The following SCN2B variants were observed in gnomAD, a reference collection of about 807,000 sequenced individuals.
The protein encoded by SCN2B is sodium channel regulatory subunit beta-2.
In SCN2B, 14 loss-of-function variants were observed where a neutral mutation model predicts 18.2. That is an observed-to-expected ratio of 0.77 (90% CI 0.51 to 1.21). The LOEUF (loss-of-function observed/expected upper bound fraction) is 1.21. Among genes scored for constraint, SCN2B ranks in the 50% most tolerant of loss-of-function variants. The pLI is 0.00. For missense variants in SCN2B, 262 were observed against 286.9 expected (o/e 0.91, Z 0.63); for synonymous variants, 115 against 115.3 (o/e 1.00, Z 0.02).
chr11:118,171,951 T>C (rs1022488428), intron 1 of SCN2B, among the ~76,000 whole-genome samples: 1 of 152,154 alleles, frequency 6.6e-6, no homozygotes, highest in Admixed American at 6.5e-5. Flanking sequence ...ACACAGAGAA[T>C]AGGGACAAGC....
chr11:118,176,330 C>T lies in SCN2B; in HGVS notation c.70+32G>A, dbSNP rs200138080. On this transcript the variant is annotated intron_variant, in intron 1 of 3. Transcript: ENST00000278947. Reference sequence around the variant, plus strand: ...TTCACATTGCGGCTACACTTCTGAACCCTCGGGAGCATGCAGATGTGTCTA... The same window carrying T: ...TTCACATTGCGGCTACACTTCTGAATCCTCGGGAGCATGCAGATGTGTCTA... The T allele has an allele frequency of 2.4e-3, 3,859 of 1,593,476 alleles. 19 individuals carry two copies. The highest frequency in any genetic ancestry group is 7.6e-3 in the South Asian group (693 of 90,682).
At chr11:118,169,987 G>A (rs562585687) in intron 1 of SCN2B, among the ~76,000 whole-genome samples, 28 of 152,344 alleles carry the variant, frequency 1.8e-4, no homozygotes, top group African/African-American at 6.3e-4. Context: ...TGCTCTGCCC[G>A]TATCCTCAAG....
chr11:118,167,148 A>G (rs1380780578), intron 3 of SCN2B, 62 bp from the exon 4 acceptor site: 18 of 1,539,350 alleles, frequency 1.2e-5, no homozygotes, highest in Non-Finnish European at 8.9e-6. Flanking sequence ...CCATCACCCC[A>G]CTACCCGTGG....
At chr11:118,172,127 C>G (rs1948435281) in intron 1 of SCN2B, among the ~76,000 whole-genome samples, 1 of 152,202 alleles carries the variant, frequency 6.6e-6, no homozygotes, top group South Asian at 2.1e-4. Flanking sequence ...GAGCTGTGAG[C>G]AAAACTCTGG....
At position 118,176,464 on chromosome 11, in the gene SCN2B, A is replaced by C; in HGVS notation, c.-33T>G. 6.3e-7 allele frequency: 1 copy of C among 1,577,530 alleles called. No individual in the cohort carries two copies. On this transcript the variant is annotated 5_prime_UTR_variant, in exon 1 of 4. Coordinates refer to ENST00000278947, the MANE Select transcript of SCN2B (RefSeq NM_004588.5). ...GACTGAGATGTTAGTCGGGTGGGCT[A>C]CGGGAGAGGGTGATTTGAGGGGGCG...
At position 118,168,688 on chromosome 11, in the gene SCN2B, T is replaced by C; in HGVS notation, c.134A>G (p.Asp45Gly). The C allele has an allele frequency of 6.2e-7, 1 of 1,614,192 alleles. No homozygotes were observed. The highest frequency in any genetic ancestry group is 8.5e-7 in the Non-Finnish European group (1 of 1,180,036). The change falls in exon 2 of 4, where the codon GAC becomes GGC. Residue 45 changes from aspartate (D) to glycine (G), a missense_variant. By Grantham distance (94) the Asp-to-Gly change is moderately conservative (BLOSUM62 -1). Coordinates refer to ENST00000278947, the MANE Select transcript of SCN2B (RefSeq NM_004588.5). This position sits in a 1 kb window ranked among gnomAD's most constrained non-coding sequence, Gnocchi z 4.7. ...PATLNVLNGS[D>G]ARLPCTFNSC... ...GTTGAAGGTGCAGGGCAGGCGGGCG[T>C]CAGAGCCATTGAGGACGTTGAGGGT... is the stretch of plus-strand genomic sequence containing the variant.
chr11:118,172,890 TG>T (rs1187056098), intron 1 of SCN2B, among the ~76,000 whole-genome samples: 8 of 92,586 alleles, frequency 8.6e-5, no homozygotes, highest in African/African-American at 5.4e-4. Flanking sequence ...ATTTTCTTCT[TG>T]GTTTTTTTTT....
At position 118,168,674 on chromosome 11, in the gene SCN2B, A is replaced by C. The variant is rs1948406025; in HGVS notation, c.148T>G (p.Cys50Gly). Residue 50 changes from cysteine to glycine, a missense_variant, in exon 2 of 4, where the codon TGC (cysteine) becomes GGC (glycine). By Grantham distance (159) the Cys-to-Gly change is radical. Transcript: ENST00000278947. This position sits in a 1 kb window ranked among gnomAD's most constrained non-coding sequence, Gnocchi z 4.7. ...VLNGSDARLPCTFNSCYTVNH... is the reference protein window; with the variant it reads ...VLNGSDARLPGTFNSCYTVNH... Reference sequence around the variant, plus strand: ...ACTGTGTAGCAGGAGTTGAAGGTGCAGGGCAGGCGGGCGTCAGAGCCATTG... The same window carrying C: ...ACTGTGTAGCAGGAGTTGAAGGTGCCGGGCAGGCGGGCGTCAGAGCCATTG... The C allele has an allele frequency of 6.2e-7, 1 of 1,614,118 alleles. No individual in the cohort carries two copies. Among genetic ancestry groups the C allele is most frequent in the Admixed American group, 1.7e-5 (1 of 60,012 alleles).
chr11:118,173,967 C>T (rs559845948), intron 1 of SCN2B, among the ~76,000 whole-genome samples: 7 of 152,062 alleles, frequency 4.6e-5, no homozygotes, highest in South Asian at 2.1e-4. Context: ...CTGCTGCCCA[C>T]GCTGGAGTGC....
intron 3 of SCN2B, 140 bp from the exon 4 acceptor site, chr11:118,167,226 C>A (rs1487959414): frequency 1.7e-5 from 15 of 875,150 alleles, no homozygotes; most frequent in Non-Finnish European, 2.2e-5. Context: ...GAAAAGCAAT[C>A]CAGTGACTGA....
At chr11:118,171,363 AAGG>A (rs1948430054) in intron 1 of SCN2B, among the ~76,000 whole-genome samples, 2 of 152,206 alleles carry the variant, frequency 1.3e-5, no homozygotes, top group South Asian at 4.1e-4. Flanking sequence ...CGCACCAGCC[AAGG>A]AGGAGGTGTG....
At chr11:118,167,365 T>TA (rs1361073543) in intron 3 of SCN2B, among the ~76,000 whole-genome samples, 3 of 152,188 alleles carry the variant, frequency 2.0e-5, no homozygotes, top group African/African-American at 7.2e-5. Context: ...TTGTACAACT[T>TA]ACGAATTGCG....
At chr11:118,170,409 G>T (rs1031815615) in intron 1 of SCN2B, among the ~76,000 whole-genome samples, 1 of 152,212 alleles carries the variant, frequency 6.6e-6, no homozygotes, top group Non-Finnish European at 1.5e-5. Context: ...GTGGCTGGAA[G>T]GAGTTTCGTG....
Position 118,168,783 on chromosome 11 carries a change from C to G in SCN2B, c.71-32G>C. 6.2e-7 allele frequency: 1 copy of G among 1,613,650 alleles called. No homozygotes were observed. Among genetic ancestry groups the G allele is most frequent in the Non-Finnish European group, 8.5e-7 (1 of 1,179,932 alleles). ...ATGAAGCCACAAGCTGGTGAGGAGTCTGGCTGAAAGGGCTGGGGAGGGGCA... is the reference window on the plus strand; with the variant it reads ...ATGAAGCCACAAGCTGGTGAGGAGTGTGGCTGAAAGGGCTGGGGAGGGGCA... On this transcript the variant is annotated intron_variant, in intron 1 of 3. Coordinates refer to ENST00000278947, the MANE Select transcript of SCN2B (RefSeq NM_004588.5). This position sits in a 1 kb window ranked among gnomAD's most constrained non-coding sequence, Gnocchi z 4.7.
chr11:118,163,613 G>C lies in SCN2B; in HGVS notation c.*3274C>G, dbSNP rs557424609. ...CTAAATCCCATGGGTTAGCCAGCCC[G>C]TCTCTCTTTGCAGTGGCCCTTAATT... On this transcript the variant is annotated 3_prime_UTR_variant, in exon 4 of 4. Coordinates refer to ENST00000278947, the MANE Select transcript of SCN2B (RefSeq NM_004588.5). 1.3e-5 allele frequency: 2 copies of C among 152,712 alleles called. No homozygotes were observed. Among genetic ancestry groups the C allele is most frequent in the South Asian group, 4.1e-4 (2 of 4,826 alleles). The allele number at this position is 152,712 out of a possible 1,614,324, so 9.5% of individuals were successfully genotyped here. A position where few individuals can be genotyped will look rare whatever the true frequency, so the allele number is the denominator to read the frequency against.
At position 118,166,819 on chromosome 11, in the gene SCN2B, G is replaced by T; in HGVS notation, c.*68C>A. On this transcript the variant is annotated 3_prime_UTR_variant, in exon 4 of 4. Transcript: ENST00000278947. ...CGGGAAGCACACCAAGAGCGAGCAG[G>T]CAGGGTCACTGTACAGGGCGGAGAG... 5.0e-6 allele frequency: 8 copies of T among 1,590,570 alleles called. No individual in the cohort carries two copies. The highest frequency in any genetic ancestry group is 5.0e-5 in the Admixed American group (3 of 59,970).
At chr11:118,173,686 G>C (rs906660661) in intron 1 of SCN2B, among the ~76,000 whole-genome samples, 2 of 152,206 alleles carry the variant, frequency 1.3e-5, no homozygotes, top group African/African-American at 4.8e-5. Flanking sequence ...ATACAATGTT[G>C]TCTTGTTATT....
At position 118,176,524 on chromosome 11, in the gene SCN2B, A is replaced by C. The variant is rs777389567; in HGVS notation, c.-93T>G. The C allele has an allele frequency of 6.8e-5, 61 of 902,846 alleles. No homozygotes were observed. The highest frequency in any genetic ancestry group is 8.8e-5 in the Non-Finnish European group (47 of 536,762). 55.9% of individuals were successfully genotyped at this position (902,846 alleles called of 1,614,324 possible). A position where few individuals can be genotyped will look rare whatever the true frequency, so the allele number is the denominator to read the frequency against. On this transcript the variant is annotated 5_prime_UTR_variant, in exon 1 of 4. Transcript: ENST00000278947. ...AGGGAGGAATGGTTGGATGCTAAAA[A>C]AAAATGCACGGATGTACTTCAAAGA...
intron 1 of SCN2B, among the ~76,000 whole-genome samples, chr11:118,169,025 A>G (rs897054862): frequency 6.6e-6 from 1 of 152,072 alleles, no homozygotes; most frequent in African/African-American, 2.4e-5. Context: ...CCTCCCAAGT[A>G]GCTGGGAGTA....
Sources: allele counts gnomAD v4.1 joint callset (sites outside exome capture counted in the v4.1 genomes callset), GRCh38; gene constraint gnomAD v4.1.1; non-coding constraint Gnocchi (gnomAD v3.1); transcripts MANE v1.5; gene names NCBI Gene and HGNC (gene_info 2026-07-23, HGNC 2026-07-21).